ST8SIA3: variants seen among roughly 807,000 people sequenced by gnomAD.
ST8SIA3 encodes alpha-N-acetylneuraminate alpha-2,8-sialyltransferase ST8SIA3.
ST8SIA3 carries 17 observed loss-of-function variants against 34.5 expected under a neutral mutation model. That is an observed-to-expected ratio of 0.49 (90% confidence interval 0.34 to 0.74). ST8SIA3 has a LOEUF of 0.74. ST8SIA3 is among the 30% of genes least tolerant of loss of function. The probability of loss-of-function intolerance (pLI) is 0.01; values close to 1 mark genes in which losing one functional copy is unlikely to be tolerated. For missense variants in ST8SIA3, 354 were observed against 467.8 expected (o/e 0.76, Z 2.24); for synonymous variants, 172 against 176.1 (o/e 0.98, Z 0.19).
rs779888964 is a variant in ST8SIA3, at chr18:57,357,217, A to G, written c.607A>G (p.Arg203Gly). The G allele has an allele frequency of 7.4e-6, 12 of 1,614,064 alleles. No individual in the cohort carries two copies. The highest frequency in any genetic ancestry group is 1.3e-5 in the African/African-American group (1 of 74,938). The change falls in exon 3 of 4, where the codon AGA (arginine) becomes GGA (glycine). Residue 203 changes from arginine to glycine, a missense_variant. Physicochemically the swap from Arg to Gly is moderately radical, Grantham distance 125 (BLOSUM62 -2). Transcript: ENST00000324000. ...GGAGGCTTTCCAAAGAGATGTTGGA[A>G]GAAAAACCAATCTTACCACCTTCAA... ...PTEAFQRDVG[R>G]KTNLTTFNPS... is the part of the protein sequence containing the mutation.
intron 1 of ST8SIA3, 103 bp downstream of exon 1, chr18:57,353,128 T>C (rs1040187561): frequency 4.2e-6 from 5 of 1,179,298 alleles, no homozygotes; most frequent in Non-Finnish European, 4.8e-6. Context: ...TCCGAGACTC[T>C]TTGGGCCAGA....
At chr18:57,353,431 G>A (rs918254043) in intron 1 of ST8SIA3, among the ~76,000 whole-genome samples, 8 of 152,094 alleles carry the variant, frequency 5.3e-5, no homozygotes, top group Non-Finnish European at 1.0e-4. Context: ...CCGCGGGCCG[G>A]GCCCGGGGCG....
intron 1 of ST8SIA3, among the ~76,000 whole-genome samples, chr18:57,353,693 G>C (rs77244563): frequency 2.6e-5 from 4 of 152,170 alleles, no homozygotes; most frequent in Non-Finnish European, 5.9e-5. Flanking sequence ...TCCGCGCTGG[G>C]CCGGCCTGTG....
intron 1 of ST8SIA3, 122 bp from the exon 2 acceptor site, chr18:57,354,280 G>A (rs767961191): frequency 2.5e-5 from 32 of 1,272,516 alleles, no homozygotes; most frequent in Non-Finnish European, 3.2e-5. Context: ...GAGGGGCTCC[G>A]GGACGGAACG....
chr18:57,354,376 T>G, intron 1 of ST8SIA3, 26 bp from the exon 2 acceptor site: 1 of 1,613,556 alleles, frequency 6.2e-7, no homozygotes. Flanking sequence ...GCCAGCACGC[T>G]TGTCTGTGCT....
In ST8SIA3 at chr18:57,364,597, C is replaced by G. The variant is rs1399663793; in HGVS notation, c.*4320C>G. The stretch of plus-strand genomic sequence containing the variant: ...CTGAATGTGTAGAACTGTCACTTTG[C>G]TTACAAAGGGGCTGTGTGTTTGTGG... On this transcript the variant is annotated 3_prime_UTR_variant, in exon 4 of 4. Coordinates refer to ENST00000324000, the MANE Select transcript of ST8SIA3 (RefSeq NM_015879.3). 1 of 152,302 alleles carries G rather than the reference C, an allele frequency of 6.6e-6. No homozygotes were observed. Among genetic ancestry groups the G allele is most frequent in the African/African-American group, 2.4e-5 (1 of 41,446 alleles). The allele number at this position is 152,302 out of a possible 1,614,324, so 9.4% of individuals were successfully genotyped here.
Position 57,353,018 on chromosome 18 carries a change from G to C in ST8SIA3, c.172G>C (p.Gly58Arg). The change falls in exon 1 of 4, where the codon GGA becomes CGA. Residue 58 changes from glycine to arginine, a missense_variant. By Grantham distance (125) the Gly-to-Arg change is moderately radical. Around this residue, in one of 3 missense-constraint regions of ST8SIA3, gnomAD observed 184 missense variants for 205.4 expected, o/e 0.90. Coordinates refer to ENST00000324000, the MANE Select transcript of ST8SIA3 (RefSeq NM_015879.3). ...GAPRMYMFHA[G>R]FRSQFALKFL... ...GCCCCGAATGTACATGTTCCACGCG[G>C]GATTCCGGTGAGTGCGGGCCTCTGT... 2 of 1,607,706 alleles carry C rather than the reference G, an allele frequency of 1.2e-6. No homozygotes were observed. The highest frequency in any genetic ancestry group is 1.7e-6 in the Non-Finnish European group (2 of 1,179,898).
In ST8SIA3 at chr18:57,366,473, A is replaced by C. The variant is rs540682261; in HGVS notation, c.*6196A>C. 1 of 152,466 alleles carries C rather than the reference A, an allele frequency of 6.6e-6. No individual in the cohort carries two copies. Among genetic ancestry groups the C allele is most frequent in the African/African-American group, 2.4e-5 (1 of 41,554 alleles). 9.4% of individuals were successfully genotyped at this position (152,466 alleles called of 1,614,324 possible). Reference sequence around the variant, plus strand: ...GATCTTTTTTAAAAAATCTATACCTATAGTTCATCACTTGTTTCCCCAACT... The same window carrying C: ...GATCTTTTTTAAAAAATCTATACCTCTAGTTCATCACTTGTTTCCCCAACT... On this transcript the variant is annotated 3_prime_UTR_variant, in exon 4 of 4. Coordinates refer to ENST00000324000, the MANE Select transcript of ST8SIA3 (RefSeq NM_015879.3).
chr18:57,354,821 T>A (rs2049789522), intron 2 of ST8SIA3, among the ~76,000 whole-genome samples: 1 of 148,776 alleles, frequency 6.7e-6, no homozygotes. Context: ...GATTTACAGC[T>A]AACAAGTCTG....
chr18:57,365,685 A>G lies in ST8SIA3; in HGVS notation c.*5408A>G, dbSNP rs1007045966. Reference sequence around the variant, plus strand: ...TCCAAAACACAAAGGTATTCAGGCTAAAATAAAACCAATCAAAAAAGGAAA... The same window carrying G: ...TCCAAAACACAAAGGTATTCAGGCTGAAATAAAACCAATCAAAAAAGGAAA... On this transcript the variant is annotated 3_prime_UTR_variant, in exon 4 of 4. Transcript: ENST00000324000. 1 of 152,238 alleles carries G rather than the reference A, an allele frequency of 6.6e-6. No homozygotes were observed. Among genetic ancestry groups the G allele is most frequent in the Non-Finnish European group, 1.5e-5 (1 of 68,048 alleles). 9.4% of individuals were successfully genotyped at this position (152,238 alleles called of 1,614,324 possible). A position where few individuals can be genotyped will look rare whatever the true frequency, so the allele number is the denominator to read the frequency against.
In ST8SIA3 at chr18:57,366,904, G is replaced by A. The variant is rs971134069; in HGVS notation, c.*6627G>A. 2.0e-5 allele frequency: 3 copies of A among 152,228 alleles called. No individual in the cohort carries two copies. The highest frequency in any genetic ancestry group is 2.9e-5 in the Non-Finnish European group (2 of 68,052). The allele number at this position is 152,228 out of a possible 1,614,324, so 9.4% of individuals were successfully genotyped here. A position where few individuals can be genotyped will look rare whatever the true frequency, so the allele number is the denominator to read the frequency against. ...TTGGCCCCTGCAGTCCCCTGGCATT[G>A]AGCAATAGAGCAACTGTCCTTTCTC... is the stretch of plus-strand genomic sequence containing the variant. On this transcript the variant is annotated 3_prime_UTR_variant, in exon 4 of 4. Transcript: ENST00000324000.
chr18:57,360,969 T>C lies in ST8SIA3; in HGVS notation c.*692T>C, dbSNP rs2049827008. ...GTGATTCCTTTTTTAAAGAAATGCCTCTGATGCAGTCCTCACCAGTCCATT... is the reference window on the plus strand; with the variant it reads ...GTGATTCCTTTTTTAAAGAAATGCCCCTGATGCAGTCCTCACCAGTCCATT... On this transcript the variant is annotated 3_prime_UTR_variant, in exon 4 of 4. Coordinates refer to ENST00000324000, the MANE Select transcript of ST8SIA3 (RefSeq NM_015879.3). 2 of 152,490 alleles carry C rather than the reference T, an allele frequency of 1.3e-5. No individual in the cohort carries two copies. Among genetic ancestry groups the C allele is most frequent in the Non-Finnish European group, 2.9e-5 (2 of 68,270 alleles). 9.4% of individuals were successfully genotyped at this position (152,490 alleles called of 1,614,324 possible). A position where few individuals can be genotyped will look rare whatever the true frequency, so the allele number is the denominator to read the frequency against.
At position 57,360,914 on chromosome 18, in the gene ST8SIA3, C is replaced by A. The variant is rs2049826722; in HGVS notation, c.*637C>A. The A allele has an allele frequency of 6.6e-6, 1 of 152,412 alleles. No homozygotes were observed. Among genetic ancestry groups the A allele is most frequent in the Admixed American group, 6.5e-5 (1 of 15,306 alleles). The allele number at this position is 152,412 out of a possible 1,614,324, so 9.4% of individuals were successfully genotyped here. On this transcript the variant is annotated 3_prime_UTR_variant, in exon 4 of 4. Transcript: ENST00000324000. ...TCTGGGTAACTTTGATGCTTCATGA[C>A]AAAATAGGCAAATCACGATGGACTC...
chr18:57,356,940 A>G lies in ST8SIA3; in HGVS notation c.330A>G (p.Val110=). Residue 110 remains valine (V), a synonymous_variant, in exon 3 of 4, where the codon GTA becomes GTG. Coordinates refer to ENST00000324000, the MANE Select transcript of ST8SIA3 (RefSeq NM_015879.3). ...AAGAAATTCTTCAGCATGTCGATGT[A>G]ATAAAAAATTTTTCTTTGACCAAGA... ...QRQEILQHVD[V]IKNFSLTKNS... is the part of the protein sequence containing the mutation. 6.2e-7 allele frequency: 1 copy of G among 1,600,654 alleles called. No homozygotes were observed.
At position 57,365,273 on chromosome 18, in the gene ST8SIA3, C is replaced by A. The variant is rs1332064278; in HGVS notation, c.*4996C>A. 1 of 152,148 alleles carries A rather than the reference C, an allele frequency of 6.6e-6. No individual in the cohort carries two copies. The highest frequency in any genetic ancestry group is 2.4e-5 in the African/African-American group (1 of 41,426). The allele number at this position is 152,148 out of a possible 1,614,324, so 9.4% of individuals were successfully genotyped here. Reference sequence around the variant, plus strand: ...AGCTAAATGCTTATCTCTCCTTGTGCGATTAGTTTCACATGTTCGTTGAGG... The same window carrying A: ...AGCTAAATGCTTATCTCTCCTTGTGAGATTAGTTTCACATGTTCGTTGAGG... On this transcript the variant is annotated 3_prime_UTR_variant, in exon 4 of 4. Transcript: ENST00000324000.
Position 57,364,228 on chromosome 18 carries a change from T to C in ST8SIA3, c.*3951T>C, listed in dbSNP as rs529647244. On this transcript the variant is annotated 3_prime_UTR_variant, in exon 4 of 4. Transcript: ENST00000324000. ...ACAGCTGCAATCTTACCCAATAAGC[T>C]ATTCATCTTAGTAAAACCTTGTTTT... 2.9e-4 allele frequency: 44 copies of C among 152,236 alleles called. No individual in the cohort carries two copies. Among genetic ancestry groups the C allele is most frequent in the Non-Finnish European group, 3.1e-4 (21 of 68,044 alleles). The allele number at this position is 152,236 out of a possible 1,614,324, so 9.4% of individuals were successfully genotyped here.
Position 57,357,757 on chromosome 18 carries a change from C to T in ST8SIA3, c.860+287C>T, listed in dbSNP as rs147989112. On this transcript the variant is annotated intron_variant, in intron 3 of 3. Transcript: ENST00000324000. ...CTTGGTAGTAAGGCTATGGAGCAGTCATGGAAATCACCACAAATCAAGAAT... is the reference window on the plus strand; with the variant it reads ...CTTGGTAGTAAGGCTATGGAGCAGTTATGGAAATCACCACAAATCAAGAAT... Among the ~76,000 whole-genome samples the T allele has an allele frequency of 1.3e-3, 194 of 152,266 alleles. 1 individual carries two copies. The highest frequency in any genetic ancestry group is 1.0e-3 in the Admixed American group (16 of 15,286).
At chr18:57,357,584 T>G in intron 3 of ST8SIA3, 114 bp downstream of exon 3, 1 of 816,778 alleles carries the variant, frequency 1.2e-6, no homozygotes, top group East Asian at 2.5e-5. Context: ...AGTTTAGTAG[T>G]AATTAGAAGA....
rs2049837519 is a variant in ST8SIA3 at position 57,362,535 on chromosome 18, TG to T, written c.*2259del. 6.6e-6 allele frequency: 1 copy of T among 152,198 alleles called. No individual in the cohort carries two copies. Among genetic ancestry groups the T allele is most frequent in the Admixed American group, 6.5e-5 (1 of 15,282 alleles). 9.4% of individuals were successfully genotyped at this position (152,198 alleles called of 1,614,324 possible). Reference sequence around the variant, plus strand: ...ATCTCATCATAATGCCAAGGATTTTTGTTTGTTTTTTAAGTTCAGGGAGATT... The same window carrying T: ...ATCTCATCATAATGCCAAGGATTTTTTTTGTTTTTTAAGTTCAGGGAGATT... On this transcript the variant is annotated 3_prime_UTR_variant, in exon 4 of 4. Transcript: ENST00000324000.
Sources: allele counts gnomAD v4.1 joint callset (sites outside exome capture counted in the v4.1 genomes callset), GRCh38; gene constraint gnomAD v4.1.1; regional missense constraint gnomAD v4.1.1; transcripts MANE v1.5; gene names NCBI Gene and HGNC (gene_info 2026-07-23, HGNC 2026-07-21).